The following WWOX variants were observed in gnomAD, a reference collection of about 807,000 sequenced individuals.
WWOX encodes the protein WW domain containing oxidoreductase.
A neutral mutation model predicts 46.2 loss-of-function variants in WWOX; 69 were observed. That is an observed-to-expected ratio of 1.49 (90% CI 1.23 to 1.82). The LOEUF (loss-of-function observed/expected upper bound fraction) is 1.82, where lower values mean the gene tolerates loss of function less well. Ranked by LOEUF, WWOX falls within the 40% of genes most tolerant of loss-of-function variation. The pLI, the probability that WWOX is intolerant of heterozygous loss-of-function variation, is 0.00. For synonymous variants in WWOX, 359 were observed against 202.6 expected (o/e 1.77, Z -6.56); for missense variants, 919 against 542.6 (o/e 1.69, Z -6.89).
Position 78,432,529 on chromosome 16 carries a change from G to T in WWOX, c.833G>T (p.Ser278Ile). 1.2e-6 allele frequency: 2 copies of T among 1,614,096 alleles called. No individual in the cohort carries two copies. Among genetic ancestry groups the T allele is most frequent in the Non-Finnish European group, 1.7e-6 (2 of 1,179,996 alleles). The change falls in exon 8 of 9, where the codon AGT becomes ATT. Residue 278 changes from serine to isoleucine, a missense_variant. Physicochemically the swap from Ser to Ile is moderately radical, Grantham distance 142 (BLOSUM62 -2). Coordinates refer to ENST00000566780, the MANE Select transcript of WWOX (RefSeq NM_016373.4). ...INDSLGKLDF[S>I]RLSPTKNDYW... ...GACTCCTTGGGAAAACTGGACTTCA[G>T]TCGCCTCTCTCCAACAAAAAACGAC...
intron 4 of WWOX, among the ~76,000 whole-genome samples, chr16:78,144,597 C>G (rs554190277): frequency 3.3e-4 from 48 of 144,458 alleles, no homozygotes; most frequent in Non-Finnish European, 4.8e-4. Context: ...TCTGAGCTCA[C>G]TGCAACCTCT....
intron 5 of WWOX, among the ~76,000 whole-genome samples, chr16:78,228,653 T>C (rs1396162999): frequency 1.3e-5 from 2 of 152,212 alleles, no homozygotes; most frequent in African/African-American, 2.4e-5. Flanking sequence ...AGGAATCATA[T>C]TCTCTTCACT....
At chr16:78,751,654 A>C (rs867926920) in intron 8 of WWOX, among the ~76,000 whole-genome samples, 1 of 151,862 alleles carries the variant, frequency 6.6e-6, no homozygotes, top group African/African-American at 2.4e-5. Context: ...GATATTAAAC[A>C]ATACTCCAAG....
At chr16:78,190,421 C>G (rs1178978080) in intron 5 of WWOX, among the ~76,000 whole-genome samples, 4 of 152,152 alleles carry the variant, frequency 2.6e-5, no homozygotes, top group East Asian at 3.9e-4. Context: ...CAAGTTTTGG[C>G]TGAGTTTCTG....
intron 5 of WWOX, among the ~76,000 whole-genome samples, chr16:78,274,005 A>G (rs998152481): frequency 1.3e-5 from 2 of 152,210 alleles, no homozygotes; most frequent in Non-Finnish European, 2.9e-5. Flanking sequence ...AGAACCCAGC[A>G]TCTGACTTAA....
chr16:78,827,258 G>A (rs899469324), intron 8 of WWOX, among the ~76,000 whole-genome samples: 1 of 152,156 alleles, frequency 6.6e-6, no homozygotes, highest in Non-Finnish European at 1.5e-5. Flanking sequence ...ATTGCTCACT[G>A]TCCAAGTGCT....
intron 5 of WWOX, among the ~76,000 whole-genome samples, chr16:78,279,595 G>C (rs149023165): frequency 5.9e-4 from 90 of 152,256 alleles, no homozygotes; most frequent in African/African-American, 2.1e-3. Flanking sequence ...ATTCCCTAAA[G>C]AAAATGCCTC....
At chr16:78,606,732 T>TG (rs1567431848) in intron 8 of WWOX, among the ~76,000 whole-genome samples, 13 of 150,672 alleles carry the variant, frequency 8.6e-5, no homozygotes, top group African/African-American at 3.2e-4. Context: ...TTTTTTTTTT[T>TG]TTTTTTTTTT....
chr16:78,290,470 C>T (rs1463437980), intron 5 of WWOX, among the ~76,000 whole-genome samples: 1 of 152,128 alleles, frequency 6.6e-6, no homozygotes, highest in Non-Finnish European at 1.5e-5. Context: ...CTGTAGGGCT[C>T]ACAGGCTCAA....
intron 8 of WWOX, among the ~76,000 whole-genome samples, chr16:78,869,957 T>C (rs2044090980): frequency 6.6e-6 from 1 of 152,214 alleles, no homozygotes; most frequent in Non-Finnish European, 1.5e-5. Flanking sequence ...TCTATGTTTA[T>C]GTGAGCTTAA....
intron 5 of WWOX, among the ~76,000 whole-genome samples, chr16:78,231,693 G>GCCTC (rs2037269388): frequency 6.6e-6 from 1 of 152,130 alleles, no homozygotes; most frequent in Non-Finnish European, 1.5e-5. Flanking sequence ...ATTATCAATT[G>GCCTC]CCTCTCTCCT....
chr16:79,165,088 C>A (rs757641437), intron 8 of WWOX, among the ~76,000 whole-genome samples: 2 of 151,316 alleles, frequency 1.3e-5, no homozygotes, highest in African/African-American at 2.4e-5. Context: ...TCCTACGTTC[C>A]ATGTAAGATC....
At chr16:79,202,950 G>GT (rs1385373419) in intron 8 of WWOX, 2 of 152,162 alleles carry the variant, frequency 1.3e-5, no homozygotes, top group African/African-American at 2.4e-5. Context: ...ACATACCTTT[G>GT]TAACTTTCTA....
intron 8 of WWOX, among the ~76,000 whole-genome samples, chr16:78,949,930 G>C (rs1169790236): frequency 2.6e-5 from 4 of 152,214 alleles, no homozygotes; most frequent in Admixed American, 2.6e-4. Flanking sequence ...TTGTATTCCA[G>C]GTAAAGGATA....
intron 8 of WWOX, among the ~76,000 whole-genome samples, chr16:78,989,802 G>C (rs1014503044): frequency 6.7e-6 from 1 of 149,834 alleles, no homozygotes; most frequent in Non-Finnish European, 1.5e-5. Context: ...AGCAAAGTGA[G>C]ACAGAGGTGG....
chr16:79,120,415 C>G (rs1288651155), intron 8 of WWOX, among the ~76,000 whole-genome samples: 1 of 152,168 alleles, frequency 6.6e-6, no homozygotes, highest in East Asian at 1.9e-4. Flanking sequence ...TCTGCACTTC[C>G]ACAGTACCCG....
chr16:78,840,478 C>T (rs2052108889), intron 8 of WWOX, among the ~76,000 whole-genome samples: 2 of 152,158 alleles, frequency 1.3e-5, no homozygotes, highest in South Asian at 4.1e-4. Flanking sequence ...GGCATGATCC[C>T]ACTACTTAGG....
At chr16:78,401,451 AAT>A (rs549404899) in intron 6 of WWOX, among the ~76,000 whole-genome samples, 115 of 152,258 alleles carry the variant, frequency 7.6e-4, no homozygotes, top group African/African-American at 2.7e-3. Context: ...GTAGCCCATC[AAT>A]TGTCTAAAAA....
chr16:78,155,853 G>C (rs2034579546), intron 4 of WWOX, among the ~76,000 whole-genome samples: 1 of 151,986 alleles, frequency 6.6e-6, no homozygotes, highest in Non-Finnish European at 1.5e-5. Context: ...TATTCTCTTG[G>C]GTTTTATCCA....
Sources: allele counts gnomAD v4.1 joint callset (sites outside exome capture counted in the v4.1 genomes callset), GRCh38; gene constraint gnomAD v4.1.1; transcripts MANE v1.5; gene names NCBI Gene and HGNC (gene_info 2026-07-23, HGNC 2026-07-21).